The following MDGA2 variants were observed in gnomAD, a reference collection of about 807,000 sequenced individuals.
The protein encoded by MDGA2 is MAM domain containing glycosylphosphatidylinositol anchor 2.
MDGA2 carries 40 observed loss-of-function variants against 117.8 expected under a neutral mutation model. That is an observed-to-expected ratio of 0.34 (90% CI 0.26 to 0.44). MDGA2 has a LOEUF of 0.44. Ranked by LOEUF, MDGA2 falls within the 20% of genes least tolerant of loss-of-function variation. MDGA2 has a pLI of 1.00. For missense variants in MDGA2, 1,123 were observed against 1,250.6 expected, an observed-to-expected ratio of 0.90 and a Z score of 1.54; for synonymous variants, 452 against 439.0, an observed-to-expected ratio of 1.03 and a Z score of -0.37.
At chr14:46,938,197 A>G (rs764311781) in intron 9 of MDGA2, among the ~76,000 whole-genome samples, 4 of 152,124 alleles carry the variant, frequency 2.6e-5, no homozygotes, top group African/African-American at 4.8e-5. Context: ...ATTTGAAAAA[A>G]TGCTCAACAT....
At chr14:47,308,358 CA>C (rs927673314) in intron 1 of MDGA2, among the ~76,000 whole-genome samples, 42 of 152,202 alleles carry the variant, frequency 2.8e-4, no homozygotes, top group African/African-American at 9.6e-4. Flanking sequence ...TAAGAAACAA[CA>C]ACTCATCATG....
chr14:46,988,472 G>A (rs1886951263), intron 8 of MDGA2, among the ~76,000 whole-genome samples: 1 of 152,072 alleles, frequency 6.6e-6, no homozygotes, highest in Non-Finnish European at 1.5e-5. Context: ...TTGCTGATAG[G>A]AAGCTGCTGA....
At chr14:47,265,439 A>G (rs1195468074) in intron 2 of MDGA2, among the ~76,000 whole-genome samples, 1 of 152,124 alleles carries the variant, frequency 6.6e-6, no homozygotes, top group African/African-American at 2.4e-5. Context: ...TATCTCCATG[A>G]TAGCAAAATT....
In MDGA2 at chr14:47,176,495, T is replaced by C. The variant is rs1173382028; in HGVS notation, c.596-32221A>G. 2.0e-3 allele frequency among the ~76,000 whole-genome samples: 304 copies of C among 151,830 alleles called. 3 individuals are homozygous for C. The highest frequency in any genetic ancestry group is 6.7e-3 in the African/African-American group (277 of 41,290). Reference sequence around the variant, plus strand: ...AGAACAGAGCCCTCAGAAATAACACTGCATATCTACAACTATCTGATCTTT... The same window carrying C: ...AGAACAGAGCCCTCAGAAATAACACCGCATATCTACAACTATCTGATCTTT... On this transcript the variant is annotated intron_variant, in intron 3 of 16. Coordinates refer to ENST00000399232, the MANE Select transcript of MDGA2 (RefSeq NM_001113498.3).
At position 46,841,880 on chromosome 14, in the gene MDGA2, T is replaced by G. The variant is rs761277005; in HGVS notation, c.*51A>C. Reference sequence around the variant, plus strand: ...TTCAATGTCCATTTACAAAGACTCTTTCTTCATGCCAGTGCCTGGTGAATC... The same window carrying G: ...TTCAATGTCCATTTACAAAGACTCTGTCTTCATGCCAGTGCCTGGTGAATC... On this transcript the variant is annotated 3_prime_UTR_variant, in exon 17 of 17. Coordinates refer to ENST00000399232, the MANE Select transcript of MDGA2 (RefSeq NM_001113498.3). 2.4e-6 allele frequency: 3 copies of G among 1,235,140 alleles called. No homozygotes were observed. Among genetic ancestry groups the G allele is most frequent in the Non-Finnish European group, 3.5e-6 (3 of 857,432 alleles). 76.5% of individuals were successfully genotyped at this position (1,235,140 alleles called of 1,614,324 possible). A position where few individuals can be genotyped will look rare whatever the true frequency, so the allele number is the denominator to read the frequency against.
chr14:47,645,468 T>G lies in MDGA2; in HGVS notation c.280+29049A>C, dbSNP rs1296875424. Among the ~76,000 whole-genome samples, 5 of 151,748 alleles carry G rather than the reference T, an allele frequency of 3.3e-5. 1 individual carries two copies. The highest frequency in any genetic ancestry group is 9.6e-5 in the African/African-American group (4 of 41,466). ...CCAGGATGGTCTCCATCTCCTGACC[T>G]CAAGATCCGCCCGCCTCGTCCTCCC... On this transcript the variant is annotated intron_variant, in intron 1 of 16. Coordinates refer to ENST00000399232, the MANE Select transcript of MDGA2 (RefSeq NM_001113498.3).
chr14:47,359,362 C>T (rs902953646), intron 1 of MDGA2, among the ~76,000 whole-genome samples: 1 of 151,634 alleles, frequency 6.6e-6, no homozygotes, highest in African/African-American at 2.4e-5. Context: ...CAAAAACAAA[C>T]AAACAAGCAA....
chr14:47,161,585 G>C (rs1883635593), intron 3 of MDGA2, among the ~76,000 whole-genome samples: 1 of 151,484 alleles, frequency 6.6e-6, no homozygotes, highest in African/African-American at 2.4e-5. Flanking sequence ...AAATTTTTGA[G>C]AGAATACCCA....
chr14:47,174,003 C>T (rs1884313242), intron 3 of MDGA2, among the ~76,000 whole-genome samples: 1 of 152,248 alleles, frequency 6.6e-6, no homozygotes, highest in East Asian at 1.9e-4. Flanking sequence ...CAATACTAGT[C>T]TCTGATAAAA....
chr14:47,110,970 T>C (rs1036737594), intron 5 of MDGA2, among the ~76,000 whole-genome samples: 11 of 152,140 alleles, frequency 7.2e-5, no homozygotes, highest in Non-Finnish European at 1.5e-4. Context: ...AAAATCCTAA[T>C]TCAACATATA....
chr14:46,901,430 C>T (rs565642299), intron 10 of MDGA2, among the ~76,000 whole-genome samples: 37 of 152,270 alleles, frequency 2.4e-4, no homozygotes, highest in African/African-American at 8.2e-4. Context: ...ATCGGACTGG[C>T]ATGCTTCTTG....
intron 16 of MDGA2, 23 bp from the exon 17 acceptor site, chr14:46,842,042 C>A (rs1484986878): frequency 1.9e-6 from 3 of 1,547,916 alleles, no homozygotes; most frequent in Non-Finnish European, 1.8e-6. Context: ...AAAATAAATG[C>A]AAACAAAAAA....
intron 1 of MDGA2, among the ~76,000 whole-genome samples, chr14:47,674,131 T>G: frequency 1.5e-5 from 2 of 131,464 alleles, no homozygotes; most frequent in Admixed American, 7.6e-5. Flanking sequence ...ACTCACGGGG[T>G]CACACTGGAA....
At chr14:46,933,349 A>AT (rs918664242) in intron 9 of MDGA2, among the ~76,000 whole-genome samples, 2 of 151,624 alleles carry the variant, frequency 1.3e-5, no homozygotes, top group Admixed American at 1.3e-4. Flanking sequence ...CTTTAAAAAA[A>AT]TTTTTTTTTG....
chr14:47,197,755 A>G (rs1885340612), intron 3 of MDGA2, among the ~76,000 whole-genome samples: 1 of 152,116 alleles, frequency 6.6e-6, no homozygotes, highest in African/African-American at 2.4e-5. Flanking sequence ...CTAAAAATAC[A>G]AAAATTAGCT....
intron 6 of MDGA2, among the ~76,000 whole-genome samples, chr14:47,083,365 A>T (rs1397848670): frequency 2.6e-5 from 4 of 151,992 alleles, no homozygotes; most frequent in Non-Finnish European, 5.9e-5. Context: ...AAAGCTATAT[A>T]AAAACATACA....
chr14:47,620,688 T>C (rs1159985770), intron 1 of MDGA2, among the ~76,000 whole-genome samples: 1 of 152,196 alleles, frequency 6.6e-6, no homozygotes, highest in Non-Finnish European at 1.5e-5. Context: ...AAGAATCTGG[T>C]TGCCATTGTA....
chr14:47,492,124 C>T (rs1894182344), intron 1 of MDGA2, among the ~76,000 whole-genome samples: 1 of 152,138 alleles, frequency 6.6e-6, no homozygotes, highest in Non-Finnish European at 1.5e-5. Context: ...AAAGCTTCCT[C>T]ATTCCAAGAA....
At chr14:47,119,461 T>G (rs1450409897) in intron 5 of MDGA2, among the ~76,000 whole-genome samples, 1 of 152,176 alleles carries the variant, frequency 6.6e-6, no homozygotes, top group Admixed American at 6.5e-5. Flanking sequence ...CAATGTTTAG[T>G]GTGCAGACCA....
Sources: gnomAD v4.1 joint callset for allele counts (sites outside exome capture counted in the v4.1 genomes callset) on GRCh38, gnomAD v4.1.1 for gene constraint, MANE v1.5 for transcripts, NCBI Gene and HGNC (gene_info 2026-07-23, HGNC 2026-07-21) for gene names.